The following RABGAP1L variants were observed in gnomAD, a reference collection of about 807,000 sequenced individuals.
The protein encoded by RABGAP1L is RAB GTPase activating protein 1 like, also known as rab GTPase-activating protein 1-like.
A neutral mutation model predicts 137.7 loss-of-function variants in RABGAP1L; 63 were observed. The observed-to-expected ratio is 0.46, with a 90% CI of 0.37 to 0.56. The LOEUF is 0.56. Among genes scored for constraint, RABGAP1L ranks in the 20% least tolerant of loss-of-function variants. RABGAP1L has a pLI of 0.00. For missense variants in RABGAP1L, 1,095 were observed against 1,244.0 expected (o/e 0.88, Z 1.80); for synonymous variants, 431 against 433.7 (o/e 0.99, Z 0.08).
At chr1:174,384,807 AT>A (rs1310790721) in intron 12 of RABGAP1L, among the ~76,000 whole-genome samples, 1 of 152,198 alleles carries the variant, frequency 6.6e-6, no homozygotes, top group African/African-American at 2.4e-5. Flanking sequence ...TATTGACTGA[AT>A]TTTTTGATGA....
intron 13 of RABGAP1L, among the ~76,000 whole-genome samples, chr1:174,615,353 T>C (rs1228162017): frequency 6.6e-6 from 1 of 152,240 alleles, no homozygotes; most frequent in Non-Finnish European, 1.5e-5. Context: ...CAGACCCTAT[T>C]TGCCTGGGTA....
chr1:174,575,737 G>A (rs539320912), intron 13 of RABGAP1L, among the ~76,000 whole-genome samples: 9 of 152,258 alleles, frequency 5.9e-5, no homozygotes, highest in Middle Eastern at 3.4e-3. Flanking sequence ...CCAGCAGCCC[G>A]CAATGCAGCG....
At chr1:174,741,717 C>T (rs536429642) in intron 17 of RABGAP1L, among the ~76,000 whole-genome samples, 2 of 151,502 alleles carry the variant, frequency 1.3e-5, no homozygotes, top group Non-Finnish European at 2.9e-5. Context: ...AACTATGTGT[C>T]TTTATTTCTG....
At chr1:174,291,104 G>A (rs1320584350) in intron 10 of RABGAP1L, among the ~76,000 whole-genome samples, 1 of 152,064 alleles carries the variant, frequency 6.6e-6, no homozygotes, top group African/African-American at 2.4e-5. Flanking sequence ...CATGTTGTCT[G>A]CCAATAAAGG....
rs1336127241 is a variant in RABGAP1L at position 174,994,995 on chromosome 1, T to A, written c.*4994T>A. ...CGTTAGTGATCAGCCTCTTCCTCTATAAACAATGACCAATTAGACGTTTCC... is the reference window on the plus strand; with the variant it reads ...CGTTAGTGATCAGCCTCTTCCTCTAAAAACAATGACCAATTAGACGTTTCC... On this transcript the variant is annotated 3_prime_UTR_variant, in exon 26 of 26. Coordinates refer to ENST00000681986, the MANE Select transcript of RABGAP1L (RefSeq NM_001366446.1). 2.0e-5 allele frequency: 3 copies of A among 152,280 alleles called. No individual in the cohort carries two copies. The highest frequency in any genetic ancestry group is 2.9e-5 in the Non-Finnish European group (2 of 68,046). 9.4% of individuals were successfully genotyped at this position (152,280 alleles called of 1,614,324 possible).
intron 19 of RABGAP1L, among the ~76,000 whole-genome samples, chr1:174,936,971 A>ATTT (rs909397955): frequency 0.01 from 1,048 of 101,398 alleles, 78 homozygotes; most frequent in African/African-American, 0.032. Context: ...TATAAGATTA[A>ATTT]TTTTTTTTTT....
intron 18 of RABGAP1L, among the ~76,000 whole-genome samples, chr1:174,809,653 T>G (rs1424733892): frequency 2.6e-5 from 4 of 152,196 alleles, no homozygotes; most frequent in Non-Finnish European, 5.9e-5. Context: ...CAGAGGACTT[T>G]CGGTAGTGAG....
At chr1:174,350,543 A>G (rs1218139662) in intron 11 of RABGAP1L, among the ~76,000 whole-genome samples, 2 of 130,512 alleles carry the variant, frequency 1.5e-5, no homozygotes, top group Non-Finnish European at 3.3e-5. Flanking sequence ...GGCGGCTGGG[A>G]AGAGGCGCTC....
At position 174,843,224 on chromosome 1, in the gene RABGAP1L, C is replaced by CTTTT. The variant is rs60814405; in HGVS notation, c.2340+31279_2340+31282dup. Among the ~76,000 whole-genome samples, 24 of 131,204 alleles carry CTTTT rather than the reference C, an allele frequency of 1.8e-4. No homozygotes were observed. The South Asian group carries it at 2.2e-3, about 12-fold the overall frequency. The allele number at this position is 131,204 out of a possible 152,430, so 86.1% of individuals were successfully genotyped here. On this transcript the variant is annotated intron_variant, in intron 19 of 25. Transcript: ENST00000681986. ...TTCCCTAACAAGAAAATGTCACAGT[C>CTTTT]TTTTTTTTTTTTTTTTTTATACTTT...
intron 19 of RABGAP1L, among the ~76,000 whole-genome samples, chr1:174,905,086 G>T (rs1377563944): frequency 6.6e-6 from 1 of 152,170 alleles, no homozygotes; most frequent in African/African-American, 2.4e-5. Flanking sequence ...GGGCTTTAAG[G>T]TGCCACAAGA....
intron 13 of RABGAP1L, among the ~76,000 whole-genome samples, chr1:174,507,016 C>T (rs924518526): frequency 6.6e-6 from 1 of 152,046 alleles, no homozygotes; most frequent in East Asian, 1.9e-4. Flanking sequence ...GGGGCTGAGG[C>T]GGGAGGATCC....
chr1:174,900,084 A>G (rs1021083542), intron 19 of RABGAP1L, among the ~76,000 whole-genome samples: 27 of 152,234 alleles, frequency 1.8e-4, no homozygotes, highest in Non-Finnish European at 1.8e-4. Flanking sequence ...GCAACTGTCC[A>G]CCAGAAAATT....
intron 13 of RABGAP1L, among the ~76,000 whole-genome samples, chr1:174,563,608 G>A (rs17838246): frequency 0.052 from 7,873 of 152,182 alleles, 665 homozygotes; most frequent in African/African-American, 0.18. Flanking sequence ...GATAACCGAA[G>A]GGTTCCAAAA....
chr1:174,499,933 G>A (rs1225260278), intron 13 of RABGAP1L, among the ~76,000 whole-genome samples: 1 of 152,074 alleles, frequency 6.6e-6, no homozygotes, highest in African/African-American at 2.4e-5. Flanking sequence ...AAACTGTTTA[G>A]AGTCATAGTT....
intron 1 of RABGAP1L, among the ~76,000 whole-genome samples, chr1:174,170,831 CAAAA>C (rs1274912391): frequency 1.3e-5 from 2 of 151,898 alleles, no homozygotes; most frequent in Admixed American, 1.3e-4. Flanking sequence ...TTATGAGAAT[CAAAA>C]AAGATAAGAT....
At chr1:174,700,391 A>T (rs1377642135) in intron 16 of RABGAP1L, 1 of 152,198 alleles carries the variant, frequency 6.6e-6, no homozygotes, top group Non-Finnish European at 1.5e-5. Flanking sequence ...TGTGAAGGAG[A>T]TACATGGATG....
At chr1:174,209,343 C>G (rs1196606927) in intron 1 of RABGAP1L, among the ~76,000 whole-genome samples, 1 of 152,074 alleles carries the variant, frequency 6.6e-6, no homozygotes, top group Non-Finnish European at 1.5e-5. Flanking sequence ...TCTGGACCTG[C>G]CCTGGACCAG....
In RABGAP1L at chr1:174,988,459, C is replaced by T. The variant is rs530100978; in HGVS notation, c.2806-182C>T. Among the ~76,000 whole-genome samples the T allele has an allele frequency of 7.8e-4, 119 of 152,196 alleles. No homozygotes were observed. The South Asian group carries it at 8.3e-3, about 11-fold the overall frequency. Reference sequence around the variant, plus strand: ...AGATACTTCAGGAAAAAGGAGCACCCGTCTTGGATAGTTGGGTTCGGGCTA... The same window carrying T: ...AGATACTTCAGGAAAAAGGAGCACCTGTCTTGGATAGTTGGGTTCGGGCTA... On this transcript the variant is annotated intron_variant, in intron 24 of 25. Transcript: ENST00000681986.
intron 19 of RABGAP1L, among the ~76,000 whole-genome samples, chr1:174,836,932 C>T (rs767855000): frequency 2.6e-5 from 4 of 152,156 alleles, no homozygotes; most frequent in Non-Finnish European, 2.9e-5. Flanking sequence ...CCAGGCGGGG[C>T]GCAGTGGCTC....
Sources: allele counts gnomAD v4.1 joint callset (sites outside exome capture counted in the v4.1 genomes callset), GRCh38; gene constraint gnomAD v4.1.1; transcripts MANE v1.5; gene names NCBI Gene and HGNC (gene_info 2026-07-23, HGNC 2026-07-21).